ACCSL: variants seen among roughly 807,000 people sequenced by gnomAD.
The protein encoded by ACCSL is probable inactive 1-aminocyclopropane-1-carboxylate synthase-like protein 2.
Under a neutral mutation model 61.7 loss-of-function variants are expected in ACCSL, and 55 were observed. That is an observed-to-expected ratio of 0.89 (90% CI 0.72 to 1.12). The LOEUF (loss-of-function observed/expected upper bound fraction) is 1.12, where lower values mean the gene tolerates loss of function less well. Ranked by LOEUF, ACCSL falls within the 50% of genes most tolerant of loss-of-function variation. ACCSL has a pLI of 0.00. For synonymous variants in ACCSL, 258 were observed against 264.3 expected (o/e 0.98, Z 0.23); for missense variants, 632 against 698.0 (o/e 0.91, Z 1.07).
At chr11:44,014,215 C>T in the ACCSL span, among the ~76,000 whole-genome samples, 2 of 152,250 alleles carry the variant, frequency 1.3e-5, no homozygotes, top group South Asian at 4.2e-4. Context: ...TTCTGAAGGC[C>T]AGGGTTTCAA....
the ACCSL span, chr11:43,944,518 T>TGG: frequency 6.5e-6 from 1 of 152,848 alleles, no homozygotes; most frequent in Non-Finnish European, 1.5e-5. Flanking sequence ...TCCAGGAGGG[T>TGG]GGGGCATGTC....
At chr11:44,038,197 G>A in the ACCSL span, among the ~76,000 whole-genome samples, 1 of 152,130 alleles carries the variant, frequency 6.6e-6, no homozygotes, top group Non-Finnish European at 1.5e-5. Flanking sequence ...TAAATAGGTG[G>A]TCATAGCAGG....
chr11:43,931,552 A>T, the ACCSL span, among the ~76,000 whole-genome samples: 3,692 of 152,240 alleles, frequency 0.024, 65 homozygotes, highest in Non-Finnish European at 0.033. Context: ...TTTGCATCCC[A>T]GTGCCACTTC....
At chr11:43,956,169 C>T in the ACCSL span, among the ~76,000 whole-genome samples, 4 of 151,632 alleles carry the variant, frequency 2.6e-5, no homozygotes, top group South Asian at 2.1e-4. Flanking sequence ...TACAGCTCAG[C>T]GTTTGCCTTA....
At chr11:43,934,331 G>A in the ACCSL span, among the ~76,000 whole-genome samples, 7 of 152,178 alleles carry the variant, frequency 4.6e-5, no homozygotes, top group African/African-American at 7.2e-5. Context: ...GGGGTGGAGT[G>A]CGCACCAGTG....
chr11:44,002,003 G>C, the ACCSL span, among the ~76,000 whole-genome samples: 1 of 152,132 alleles, frequency 6.6e-6, no homozygotes, highest in Admixed American at 6.5e-5. Context: ...AATGGCTCAG[G>C]GAGGGGGCCT....
At chr11:43,944,949 G>A in the ACCSL span, 1 of 153,102 alleles carries the variant, frequency 6.5e-6, no homozygotes, top group Non-Finnish European at 1.5e-5. Context: ...CTCTGGTGGT[G>A]GGGCTGGTGC....
At chr11:43,985,190 G>C in the ACCSL span, among the ~76,000 whole-genome samples, 1 of 152,172 alleles carries the variant, frequency 6.6e-6, no homozygotes, top group Non-Finnish European at 1.5e-5. Flanking sequence ...ATTGGACGCT[G>C]CCTCCGCCCC....
At chr11:43,948,790 C>T in the ACCSL span, among the ~76,000 whole-genome samples, 1 of 152,174 alleles carries the variant, frequency 6.6e-6, no homozygotes, top group African/African-American at 2.4e-5. Context: ...TGTGGCACAG[C>T]CATGAGACTG....
chr11:44,001,775 C>CTG, the ACCSL span, among the ~76,000 whole-genome samples: 2,413 of 96,712 alleles, frequency 0.025, 41 homozygotes, highest in East Asian at 0.039. Context: ...GGTAAAGGGG[C>CTG]TGTGTGTGTG....
chr11:43,967,684 C>T, the ACCSL span, among the ~76,000 whole-genome samples: 4 of 152,074 alleles, frequency 2.6e-5, no homozygotes, highest in Non-Finnish European at 5.9e-5. Flanking sequence ...CTCTGTCTAC[C>T]AGGTTTTACT....
the ACCSL span, chr11:43,925,468 T>G: frequency 1.8e-5 from 8 of 455,958 alleles, no homozygotes; most frequent in Non-Finnish European, 3.5e-5. Flanking sequence ...CTGCTGCAGC[T>G]TGAGGTAGCG....
At chr11:43,951,571 G>A in the ACCSL span, among the ~76,000 whole-genome samples, 14 of 152,298 alleles carry the variant, frequency 9.2e-5, no homozygotes, top group East Asian at 1.3e-3. Context: ...GAATTTGATT[G>A]CCAAGAAAAC....
the ACCSL span, chr11:43,943,249 C>T: frequency 6.6e-6 from 10 of 1,522,050 alleles, no homozygotes; most frequent in Non-Finnish European, 8.8e-6. The surrounding 1 kb of genome is among the most constrained non-coding windows in gnomAD (Gnocchi z 4.8). Flanking sequence ...GCCTGGACTC[C>T]AGCGACTCCG....
chr11:44,042,626 G>T, the ACCSL span, among the ~76,000 whole-genome samples: 3 of 40,326 alleles, frequency 7.4e-5, no homozygotes, highest in Admixed American at 2.4e-4. Context: ...CTTCCTGGTT[G>T]TTTTTTTTTT....
the ACCSL span, among the ~76,000 whole-genome samples, chr11:44,042,520 A>G: frequency 6.6e-6 from 1 of 151,800 alleles, no homozygotes; most frequent in African/African-American, 2.4e-5. Context: ...ATGAGATCTC[A>G]CTATGTTGAT....
the ACCSL span, among the ~76,000 whole-genome samples, chr11:43,924,549 G>A: frequency 3.4e-4 from 52 of 152,344 alleles, 1 homozygote; most frequent in South Asian, 6.6e-3. Context: ...GCCGGAGGCC[G>A]GAGGCCGGGA....
the ACCSL span, among the ~76,000 whole-genome samples, chr11:44,036,677 G>T: frequency 6.6e-6 from 1 of 151,850 alleles, no homozygotes; most frequent in African/African-American, 2.4e-5. Context: ...AGCTACTTGG[G>T]AGGCTGAGGC....
chr11:44,059,025 G>A (rs962708543), intron 13 of ACCSL, among the ~76,000 whole-genome samples: 10 of 152,124 alleles, frequency 6.6e-5, no homozygotes, highest in Admixed American at 6.5e-5. Context: ...GGTGGATCAT[G>A]AGGTCAGGAG....
Sources: gnomAD v4.1 joint callset for allele counts (sites outside exome capture counted in the v4.1 genomes callset) on GRCh38, gnomAD v4.1.1 for gene constraint, Gnocchi (gnomAD v3.1) non-coding constraint, MANE v1.5 for transcripts, NCBI Gene and HGNC (gene_info 2026-07-23, HGNC 2026-07-21) for gene names.